NEGR1: variants seen among roughly 807,000 people sequenced by gnomAD.
The protein encoded by NEGR1 is neuronal growth regulator 1.
NEGR1 carries 10 observed loss-of-function variants against 40.9 expected under a neutral mutation model. The observed-to-expected ratio is 0.24, with a 90% CI of 0.15 to 0.42. The LOEUF (loss-of-function observed/expected upper bound fraction) is 0.42. Ranked by LOEUF, NEGR1 falls within the 10% of genes least tolerant of loss-of-function variation. The pLI is 1.00. For synonymous variants in NEGR1, 185 were observed against 166.8 expected, an observed-to-expected ratio of 1.11 and a Z score of -0.84; for missense variants, 352 against 438.9, an observed-to-expected ratio of 0.80 and a Z score of 1.77.
chr1:71,646,494 C>T (rs113886790), intron 4 of NEGR1, among the ~76,000 whole-genome samples: 1,888 of 151,762 alleles, frequency 0.012, 36 homozygotes, highest in African/African-American at 0.043. Flanking sequence ...TAGGACATGA[C>T]AATTAAAAGA....
At chr1:72,252,962 G>T (rs1655153641) in intron 1 of NEGR1, among the ~76,000 whole-genome samples, 1 of 152,158 alleles carries the variant, frequency 6.6e-6, no homozygotes, top group African/African-American at 2.4e-5. Flanking sequence ...TAAATTTGCA[G>T]GTTGTTTTGT....
At chr1:71,884,290 T>C (rs554253374) in intron 2 of NEGR1, among the ~76,000 whole-genome samples, 1 of 152,280 alleles carries the variant, frequency 6.6e-6, no homozygotes, top group East Asian at 1.9e-4. Context: ...ATGAACATTG[T>C]TCAAGGCACT....
intron 6 of NEGR1, chr1:71,461,583 AG>A (rs2101344124): frequency 6.6e-6 from 1 of 152,318 alleles, no homozygotes; most frequent in African/African-American, 2.4e-5. Flanking sequence ...ATGTTGACAG[AG>A]GAACACACTG....
chr1:71,666,866 A>T (rs1244121922), intron 4 of NEGR1, among the ~76,000 whole-genome samples: 1 of 152,128 alleles, frequency 6.6e-6, no homozygotes, highest in African/African-American at 2.4e-5. Context: ...TTTTCTACTA[A>T]AGCCATTCTA....
At chr1:71,817,942 C>T (rs1461326985) in intron 2 of NEGR1, among the ~76,000 whole-genome samples, 1 of 151,976 alleles carries the variant, frequency 6.6e-6, no homozygotes, top group Non-Finnish European at 1.5e-5. Flanking sequence ...AAAAAATACT[C>T]AACATCGCTA....
chr1:71,924,888 C>CT (rs372011240), intron 2 of NEGR1, among the ~76,000 whole-genome samples: 244 of 146,622 alleles, frequency 1.7e-3, no homozygotes, highest in East Asian at 9.1e-3. Flanking sequence ...CTAACTAATC[C>CT]TTTTTTTTTT....
rs184637655 is a variant in NEGR1, at chr1:71,503,020, A to T, written c.940+89797T>A. ...GAACCAGAAATTCTAGGCCTAGGGA[A>T]CAATAGAAAGAGGGAGTCAAAGAGA... On this transcript the variant is annotated intron_variant, in intron 6 of 6. Coordinates refer to ENST00000357731, the MANE Select transcript of NEGR1 (RefSeq NM_173808.3). Among the ~76,000 whole-genome samples the T allele has an allele frequency of 4.6e-5, 7 of 152,258 alleles. No individual in the cohort carries two copies. The East Asian group carries it at 1.4e-3, about 29-fold the overall frequency.
intron 1 of NEGR1, among the ~76,000 whole-genome samples, chr1:72,046,309 G>C (rs1344507011): frequency 6.6e-6 from 1 of 151,448 alleles, no homozygotes. Flanking sequence ...GGAGCATGAA[G>C]AAAAACAAAG....
chr1:72,055,127 T>G (rs998992732), intron 1 of NEGR1, among the ~76,000 whole-genome samples: 2 of 151,268 alleles, frequency 1.3e-5, no homozygotes, highest in Non-Finnish European at 3.0e-5. Flanking sequence ...AAAGTTTTTA[T>G]GTATTTTTTC....
In NEGR1 at chr1:71,401,852, A is replaced by G. The variant is rs1162937419; in HGVS notation, c.*5594T>C. The G allele has an allele frequency of 6.6e-6, 1 of 152,156 alleles. No homozygotes were observed. The highest frequency in any genetic ancestry group is 1.5e-5 in the Non-Finnish European group (1 of 68,032). 9.4% of individuals were successfully genotyped at this position (152,156 alleles called of 1,614,324 possible). A position where few individuals can be genotyped will look rare whatever the true frequency, so the allele number is the denominator to read the frequency against. Reference sequence around the variant, plus strand: ...GGTGTGACCAGTCTCATACAACCCAAGGCTGTGTGTCCAAAGGCAACTGTA... The same window carrying G: ...GGTGTGACCAGTCTCATACAACCCAGGGCTGTGTGTCCAAAGGCAACTGTA... On this transcript the variant is annotated 3_prime_UTR_variant, in exon 7 of 7. Transcript: ENST00000357731.
intron 1 of NEGR1, among the ~76,000 whole-genome samples, chr1:71,998,695 TTATATAGA>T (rs1646527321): frequency 6.6e-6 from 1 of 151,578 alleles, no homozygotes; most frequent in East Asian, 1.9e-4. Context: ...CATTTACATT[TTATATAGA>T]GATATAAATA....
chr1:71,687,146 A>C (rs1653067054), intron 4 of NEGR1, among the ~76,000 whole-genome samples: 1 of 152,208 alleles, frequency 6.6e-6, no homozygotes. Context: ...ATTACTTAAA[A>C]ATGTATATGT....
intron 1 of NEGR1, among the ~76,000 whole-genome samples, chr1:71,998,963 C>A (rs904602223): frequency 6.6e-6 from 1 of 151,818 alleles, no homozygotes; most frequent in Non-Finnish European, 1.5e-5. Context: ...TGTGAGACAT[C>A]TATCTTAGCA....
chr1:71,864,225 G>T (rs1413772261), intron 2 of NEGR1, among the ~76,000 whole-genome samples: 1 of 152,102 alleles, frequency 6.6e-6, no homozygotes, highest in Non-Finnish European at 1.5e-5. Flanking sequence ...TAAGTGATCT[G>T]CAGTTGTTAA....
At chr1:72,150,066 T>C (rs1190335463) in intron 1 of NEGR1, among the ~76,000 whole-genome samples, 2 of 152,056 alleles carry the variant, frequency 1.3e-5, no homozygotes, top group Non-Finnish European at 2.9e-5. Context: ...CTATTCCGAA[T>C]CCCTTCCTAA....
chr1:71,968,032 C>T (rs969906661), intron 1 of NEGR1, among the ~76,000 whole-genome samples: 4 of 149,194 alleles, frequency 2.7e-5, no homozygotes, highest in African/African-American at 9.9e-5. Context: ...GGAAGACCAG[C>T]TTCAAGAAGC....
chr1:71,691,723 T>C lies in NEGR1; in HGVS notation c.667+6285A>G, dbSNP rs192314887. 1.5e-3 allele frequency among the ~76,000 whole-genome samples: 221 copies of C among 151,916 alleles called. 1 individual carries two copies. The highest frequency in any genetic ancestry group is 5.1e-3 in the African/African-American group (211 of 41,526). The stretch of plus-strand genomic sequence containing the variant: ...TAACTCTCACCTCATCCGGTCCTGC[T>C]TCACTCCACAATGCTTAACCTTCTT... On this transcript the variant is annotated intron_variant, in intron 4 of 6. Coordinates refer to ENST00000357731, the MANE Select transcript of NEGR1 (RefSeq NM_173808.3).
chr1:72,102,781 T>A (rs2100248639), intron 1 of NEGR1, among the ~76,000 whole-genome samples: 1 of 152,252 alleles, frequency 6.6e-6, no homozygotes, highest in East Asian at 1.9e-4. Flanking sequence ...ACTTAATTAT[T>A]GCTCATTTTA....
At chr1:71,408,946 G>A (rs1048111336) in intron 6 of NEGR1, 2 of 151,970 alleles carry the variant, frequency 1.3e-5, no homozygotes, top group African/African-American at 4.8e-5. Context: ...AGAAATTAAA[G>A]GGGATGAAAG....
Sources: gnomAD v4.1 joint callset for allele counts (sites outside exome capture counted in the v4.1 genomes callset) on GRCh38, gnomAD v4.1.1 for gene constraint, MANE v1.5 for transcripts, NCBI Gene and HGNC (gene_info 2026-07-23, HGNC 2026-07-21) for gene names.